The following SPATA21 variants were observed in gnomAD, a reference collection of about 807,000 sequenced individuals.
SPATA21 encodes the protein spermatogenesis-associated protein 21.
Under a neutral mutation model 54.8 loss-of-function variants are expected in SPATA21, and 47 were observed. The ratio of observed to expected loss-of-function variants is 0.86; its 90% CI spans 0.68 to 1.09. The LOEUF is 1.09. SPATA21 is among the 50% of genes least tolerant of loss of function. The pLI, the probability that SPATA21 is intolerant of heterozygous loss-of-function variation, is 0.00. For synonymous variants in SPATA21, 245 were observed against 235.3 expected (o/e 1.04, Z -0.38); for missense variants, 599 against 596.4 (o/e 1.00, Z -0.05).
intron 1 of SPATA21, 71 bp downstream of exon 1, chr1:16,437,057 A>G (rs2086604126): frequency 1.3e-5 from 2 of 152,174 alleles, no homozygotes; most frequent in African/African-American, 4.8e-5. Flanking sequence ...TAAGTGGCAT[A>G]TCATATATAT....
Position 16,409,103 on chromosome 1 carries a change from C to T in SPATA21, c.673+15G>A. 1 of 1,613,806 alleles carries T rather than the reference C, an allele frequency of 6.2e-7. No individual in the cohort carries two copies. On this transcript the variant is annotated intron_variant, in intron 7 of 12. Transcript: ENST00000335496. The surrounding 1 kb of genome is among the most constrained non-coding windows in gnomAD (Gnocchi z 4.1). ...CCTGCCTGTGCTGGGACCTCCCTGACCTCCCTGCCCTCACCTTCCTCTTGC... is the reference window on the plus strand; with the variant it reads ...CCTGCCTGTGCTGGGACCTCCCTGATCTCCCTGCCCTCACCTTCCTCTTGC...
rs77021251 is a variant in SPATA21 at position 16,421,981 on chromosome 1, C to T, written c.35-10G>A. The T allele has an allele frequency of 8.2e-3, 13,162 of 1,614,120 alleles. 781 individuals carry two copies. The African/African-American group carries it at 0.14, about 17-fold the overall frequency. On this transcript the variant is annotated splice_polypyrimidine_tract_variant and intron_variant, in intron 3 of 12. Coordinates refer to ENST00000335496, the MANE Select transcript of SPATA21 (RefSeq NM_198546.1). The surrounding 1 kb of genome is among the most constrained non-coding windows in gnomAD (Gnocchi z 5.2). ...TTGACTGTCTTTTCCTCTGGAGCCA[C>T]GACGGACATTGGGGGCATTGCTTCC... is the stretch of plus-strand genomic sequence containing the variant.
intron 7 of SPATA21, among the ~76,000 whole-genome samples, chr1:16,406,306 C>G (rs905655064): frequency 6.6e-6 from 1 of 152,036 alleles, no homozygotes; most frequent in Admixed American, 6.6e-5. Context: ...TTTAATGAGC[C>G]GGATTGCTCT....
Position 16,421,482 on chromosome 1 carries a change from C to G in SPATA21, c.144+27G>C, listed in dbSNP as rs370419929. On this transcript the variant is annotated intron_variant, in intron 5 of 12. Coordinates refer to ENST00000335496, the MANE Select transcript of SPATA21 (RefSeq NM_198546.1). This position sits in a 1 kb window ranked among gnomAD's most constrained non-coding sequence, Gnocchi z 5.2. ...CCTGCCTTTCTCCTACACAGCTCGT[C>G]CCCGTTCCCCCTATGGCCCTACTTA... The G allele has an allele frequency of 5.0e-6, 8 of 1,605,750 alleles. No homozygotes were observed. In the African/African-American group the frequency reaches 1.1e-4, roughly 22 times the overall value.
intron 3 of SPATA21, among the ~76,000 whole-genome samples, chr1:16,424,191 T>A (rs1215853194): frequency 7.1e-6 from 1 of 140,780 alleles, no homozygotes; most frequent in African/African-American, 2.7e-5. Context: ...CTCACACCTG[T>A]AATCCCAGCA....
In SPATA21 at chr1:16,419,265, G is replaced by C. The variant is rs557805550; in HGVS notation, c.144+2244C>G. ...ATTCAAAGGCCCTGGGGTGAGACTA[G>C]GCTTAGCATATCCAAGGGCTGGAGG... On this transcript the variant is annotated intron_variant, in intron 5 of 12. Transcript: ENST00000335496. Among the ~76,000 whole-genome samples, 13 of 152,292 alleles carry C rather than the reference G, an allele frequency of 8.5e-5. No individual in the cohort carries two copies. In the South Asian group the frequency reaches 1.7e-3, roughly 19 times the overall value.
chr1:16,402,754 T>A (rs1570092979), intron 10 of SPATA21, among the ~76,000 whole-genome samples: 1 of 150,150 alleles, frequency 6.7e-6, no homozygotes, highest in African/African-American at 2.4e-5. Context: ...TGGTGGCTCA[T>A]GCCTGTAATC....
chr1:16,396,312 C>T (rs1296191991), downstream of SPATA21: 5 of 152,224 alleles, frequency 3.3e-5, no homozygotes, highest in Non-Finnish European at 5.9e-5. Flanking sequence ...TGGTACATTT[C>T]CTGTGTGCAA....
intron 10 of SPATA21, 82 bp from the exon 11 acceptor site, chr1:16,400,974 G>A: frequency 6.7e-7 from 1 of 1,495,752 alleles, no homozygotes; most frequent in African/African-American, 1.4e-5. Flanking sequence ...TCTCTGGCCA[G>A]CTCTGGAGCA....
At chr1:16,430,114 CAAAAAAAAAAA>C (rs1226598581) in intron 3 of SPATA21, among the ~76,000 whole-genome samples, 22 of 53,156 alleles carry the variant, frequency 4.1e-4, no homozygotes, top group Admixed American at 2.5e-4. Flanking sequence ...GACTCTATCT[CAAAAAAAAAAA>C]AAAAAAAAAA....
At chr1:16,413,427 A>T (rs1403918856) in intron 5 of SPATA21, among the ~76,000 whole-genome samples, 2 of 152,192 alleles carry the variant, frequency 1.3e-5, no homozygotes, top group Non-Finnish European at 2.9e-5. Context: ...GTCAATGGAC[A>T]CTTGAGTTGC....
At chr1:16,431,859 T>TC (rs2086466179) in intron 2 of SPATA21, among the ~76,000 whole-genome samples, 6 of 152,196 alleles carry the variant, frequency 3.9e-5, no homozygotes, top group African/African-American at 1.2e-4. Flanking sequence ...TACAGGCTCT[T>TC]TCCTGTACAA....
intron 7 of SPATA21, among the ~76,000 whole-genome samples, chr1:16,407,164 G>A (rs1190673292): frequency 6.6e-6 from 1 of 152,240 alleles, no homozygotes; most frequent in Non-Finnish European, 1.5e-5. Context: ...TAGGGAAGAG[G>A]TGGGGCTAGG....
Position 16,399,355 on chromosome 1 carries a change from A to G in SPATA21, c.1341T>C (p.Ser447=), listed in dbSNP as rs1246611218. ...DIRSPFFQSG[S]QGNREHNSDS... is the part of the protein sequence containing the mutation. Reference sequence around the variant, plus strand: ...CTCTGGGCACCCACCTGTTTCCTTGAGATCCTGACTGGAAGAAGGGGCTGC... The same window carrying G: ...CTCTGGGCACCCACCTGTTTCCTTGGGATCCTGACTGGAAGAAGGGGCTGC... The change falls in exon 12 of 13, where the codon TCT becomes TCC. Residue 447 remains serine (S), a synonymous_variant. Transcript: ENST00000335496. The G allele has an allele frequency of 6.2e-7, 1 of 1,612,008 alleles. No individual in the cohort carries two copies. The highest frequency in any genetic ancestry group is 1.3e-5 in the African/African-American group (1 of 74,834).
chr1:16,425,511 T>C (rs781607880), intron 3 of SPATA21: 16 of 1,548,172 alleles, frequency 1.0e-5, no homozygotes, highest in Non-Finnish European at 1.7e-6. Context: ...TCTCCCCAGA[T>C]CTCCTAGGTT....
intron 5 of SPATA21, among the ~76,000 whole-genome samples, chr1:16,419,907 T>A (rs2086121207): frequency 6.6e-6 from 1 of 152,192 alleles, no homozygotes; most frequent in South Asian, 2.1e-4. Context: ...GCCACTGCAC[T>A]TCAGCCTGGG....
At position 16,399,305 on chromosome 1, in the gene SPATA21, G is replaced by T. The variant is rs1231228605; in HGVS notation, c.1352+39C>A. 5 of 1,554,726 alleles carry T rather than the reference G, an allele frequency of 3.2e-6. No individual in the cohort carries two copies. In the African/African-American group the frequency reaches 5.5e-5, roughly 17 times the overall value. ...CCAGGGGCCTCTTAAGGAAGAATCT[G>T]GAAGGGCCTGGGCTGGGACCCTTTC... On this transcript the variant is annotated intron_variant, in intron 12 of 12. Transcript: ENST00000335496.
chr1:16,409,520 G>C lies in SPATA21; in HGVS notation c.587+81C>G. 1 of 1,442,216 alleles carries C rather than the reference G, an allele frequency of 6.9e-7. No individual in the cohort carries two copies. The highest frequency in any genetic ancestry group is 9.4e-7 in the Non-Finnish European group (1 of 1,067,402). 89.3% of individuals were successfully genotyped at this position (1,442,216 alleles called of 1,614,324 possible). On this transcript the variant is annotated intron_variant, in intron 6 of 12. Transcript: ENST00000335496. This position sits in a 1 kb window ranked among gnomAD's most constrained non-coding sequence, Gnocchi z 4.1. ...ACACACGAGGGAACAGGCAGGTGCAGGGACAGGGACCTGCATCCGGGACAA... is the reference window on the plus strand; with the variant it reads ...ACACACGAGGGAACAGGCAGGTGCACGGACAGGGACCTGCATCCGGGACAA...
rs1229942098 is a variant in SPATA21 at position 16,403,483 on chromosome 1, C to CTTTTTTTTTTTTTTT, written c.1001+243_1001+244insAAAAAAAAAAAAAAA. ...AAGCTAGTTTTATTCTAGTTTTTTT[C>CTTTTTTTTTTTTTTT]TTTTTTTTCTTTTTTTTTTTTTTGA... On this transcript the variant is annotated intron_variant, in intron 10 of 12. Transcript: ENST00000335496. Among the ~76,000 whole-genome samples, 5 of 117,118 alleles carry CTTTTTTTTTTTTTTT rather than the reference C, an allele frequency of 4.3e-5. 2 individuals carry two copies. The highest frequency in any genetic ancestry group is 9.4e-5 in the Non-Finnish European group (5 of 53,002). The allele number at this position is 117,118 out of a possible 152,430, so 76.8% of individuals were successfully genotyped here. A position where few individuals can be genotyped will look rare whatever the true frequency, so the allele number is the denominator to read the frequency against.
Sources: allele counts gnomAD v4.1 joint callset (sites outside exome capture counted in the v4.1 genomes callset), GRCh38; gene constraint gnomAD v4.1.1; non-coding constraint Gnocchi (gnomAD v3.1); transcripts MANE v1.5; gene names NCBI Gene and HGNC (gene_info 2026-07-23, HGNC 2026-07-21).